The following GLG1 variants were observed in gnomAD, a reference collection of about 807,000 sequenced individuals.
The protein encoded by GLG1 is golgi glycoprotein 1, also known as Golgi apparatus protein 1.
In GLG1, 38 loss-of-function variants were observed where a neutral mutation model predicts 160.5. The ratio of observed to expected loss-of-function variants is 0.24; its 90% CI spans 0.18 to 0.31. The LOEUF (loss-of-function observed/expected upper bound fraction) is 0.31, where lower values mean the gene tolerates loss of function less well. GLG1 is among the 10% of genes least tolerant of loss of function. The pLI, the probability that GLG1 is intolerant of heterozygous loss-of-function variation, is 1.00. For synonymous variants in GLG1, 644 were observed against 543.4 expected (o/e 1.19, Z -2.57); for missense variants, 1,373 against 1,505.2 (o/e 0.91, Z 1.45).
At chr16:74,506,598 A>ACAAAAAAC (rs1555511225) in intron 3 of GLG1, among the ~76,000 whole-genome samples, 4 of 144,672 alleles carry the variant, frequency 2.8e-5, no homozygotes, top group African/African-American at 1.1e-4. Context: ...AAAAAAAAAA[A>ACAAAAAAC]AAAAAACTCA....
In GLG1 at chr16:74,477,467, C is replaced by T; in HGVS notation, c.1894G>A (p.Asp632Asn). ...AGGCACTTATCCTGGAGGGCAGGATCCAGCTTGACATCCATGGCACGCTGG... is the reference window on the plus strand; with the variant it reads ...AGGCACTTATCCTGGAGGGCAGGATTCAGCTTGACATCCATGGCACGCTGG... ...LHQRAMDVKL[D>N]PALQDKCLID... Residue 632 changes from aspartate to asparagine, a missense_variant, in exon 12 of 26, where the codon GAT becomes AAT. Transcript: ENST00000422840. The T allele has an allele frequency of 1.9e-6, 3 of 1,611,420 alleles. No individual in the cohort carries two copies. The highest frequency in any genetic ancestry group is 2.5e-6 in the Non-Finnish European group (3 of 1,177,524).
intron 18 of GLG1, among the ~76,000 whole-genome samples, chr16:74,466,706 T>C (rs140904997): frequency 4.6e-5 from 7 of 152,078 alleles, no homozygotes; most frequent in Non-Finnish European, 8.8e-5. Context: ...TAGGTAGTTA[T>C]GAAAAGAAGC....
chr16:74,471,092 C>A, intron 15 of GLG1, 81 bp downstream of exon 15: 1 of 825,674 alleles, frequency 1.2e-6, no homozygotes, highest in South Asian at 1.4e-5. Flanking sequence ...ATCAGAGGTG[C>A]TCTGATGTTC....
intron 1 of GLG1, among the ~76,000 whole-genome samples, chr16:74,561,060 C>G (rs2018500224): frequency 6.6e-6 from 1 of 152,226 alleles, no homozygotes; most frequent in Non-Finnish European, 1.5e-5. Context: ...TGCTTGGTTG[C>G]ATGGCAGCAC....
intron 2 of GLG1, among the ~76,000 whole-genome samples, chr16:74,524,708 C>T (rs1409723559): frequency 6.6e-6 from 1 of 152,046 alleles, no homozygotes; most frequent in Non-Finnish European, 1.5e-5. Flanking sequence ...TATGGTGATT[C>T]CATGGGGGCT....
chr16:74,500,174 G>C (rs951334979), intron 4 of GLG1, among the ~76,000 whole-genome samples: 4 of 152,122 alleles, frequency 2.6e-5, no homozygotes, highest in Non-Finnish European at 1.5e-5. Flanking sequence ...ATATTTGACA[G>C]CGAAGACTGC....
intron 1 of GLG1, among the ~76,000 whole-genome samples, chr16:74,575,869 A>G (rs1471332431): frequency 2.0e-5 from 3 of 152,172 alleles, no homozygotes; most frequent in Non-Finnish European, 4.4e-5. Flanking sequence ...GTAAGCATAC[A>G]AGCACAGTGT....
intron 1 of GLG1, among the ~76,000 whole-genome samples, chr16:74,544,028 G>A (rs2017975009): frequency 6.6e-6 from 1 of 152,230 alleles, no homozygotes; most frequent in Admixed American, 6.5e-5. Context: ...GCTTGGAGAA[G>A]TGAAAGGAGA....
In GLG1 at chr16:74,462,501, C is replaced by T; in HGVS notation, c.2921G>A (p.Arg974Lys). 6.2e-7 allele frequency: 1 copy of T among 1,613,948 alleles called. No homozygotes were observed. Among genetic ancestry groups the T allele is most frequent in the South Asian group, 1.1e-5 (1 of 91,070 alleles). The change falls in exon 21 of 26, where the codon AGA (arginine) becomes AAA (lysine). Residue 974 changes from arginine to lysine, a missense_variant. By Grantham distance (26) the Arg-to-Lys change is conservative. This residue lies in a region of GLG1 where 491 missense variants were observed against 632.1 expected (regional missense o/e 0.78). Transcript: ENST00000422840. ...EGQVISCLKL[R>K]YADQRLSSDC... is the part of the protein sequence containing the mutation. Reference sequence around the variant, plus strand: ...AGGCCAGTTTACCTGGTCAGCATATCTCAGCTTCAGGCAAGAGATGACTTG... The same window carrying T: ...AGGCCAGTTTACCTGGTCAGCATATTTCAGCTTCAGGCAAGAGATGACTTG...
At chr16:74,593,901 TA>T (rs1260411999) in intron 1 of GLG1, among the ~76,000 whole-genome samples, 1 of 152,154 alleles carries the variant, frequency 6.6e-6, no homozygotes, top group Non-Finnish European at 1.5e-5. Context: ...ATAACATTTT[TA>T]TTTTTTTCTT....
At chr16:74,476,756 G>C (rs988867908) in intron 12 of GLG1, among the ~76,000 whole-genome samples, 1 of 152,132 alleles carries the variant, frequency 6.6e-6, no homozygotes, top group Non-Finnish European at 1.5e-5. Context: ...CTGCTTCCTA[G>C]ATGGAGAGGC....
intron 1 of GLG1, among the ~76,000 whole-genome samples, chr16:74,544,440 T>A (rs1350927127): frequency 6.6e-6 from 1 of 152,164 alleles, no homozygotes; most frequent in Non-Finnish European, 1.5e-5. Flanking sequence ...CGTGTGAGAA[T>A]CTCCTGCACA....
At chr16:74,500,232 G>A (rs760328122) in intron 4 of GLG1, among the ~76,000 whole-genome samples, 1 of 152,128 alleles carries the variant, frequency 6.6e-6, no homozygotes, top group Non-Finnish European at 1.5e-5. Flanking sequence ...CTACACACCT[G>A]CACATTATGA....
intron 2 of GLG1, among the ~76,000 whole-genome samples, chr16:74,523,815 G>A (rs2017249073): frequency 6.6e-6 from 1 of 151,992 alleles, no homozygotes; most frequent in Non-Finnish European, 1.5e-5. Flanking sequence ...CATCTGTTAA[G>A]TACTTGCTGG....
chr16:74,470,446 A>ATTT (rs538522906), intron 15 of GLG1, among the ~76,000 whole-genome samples: 1 of 93,724 alleles, frequency 1.1e-5, no homozygotes, highest in Admixed American at 1.2e-4. Flanking sequence ...TATATTTGTA[A>ATTT]TTTTTTTTTT....
At chr16:74,577,684 G>T (rs1416476324) in intron 1 of GLG1, among the ~76,000 whole-genome samples, 1 of 151,944 alleles carries the variant, frequency 6.6e-6, no homozygotes, top group Non-Finnish European at 1.5e-5. Context: ...CATCATCATG[G>T]TTCACTGCAA....
rs1386334234 is a variant in GLG1 at position 74,471,249 on chromosome 16, A to C, written c.2153T>G (p.Met718Arg). 1 of 1,611,020 alleles carries C rather than the reference A, an allele frequency of 6.2e-7. No homozygotes were observed. The highest frequency in any genetic ancestry group is 1.1e-5 in the South Asian group (1 of 90,992). The change falls in exon 15 of 26, where the codon ATG becomes AGG. Residue 718 changes from methionine (M) to arginine (R), a missense_variant. By Grantham distance (91) the Met-to-Arg change is moderately conservative (BLOSUM62 -1). Transcript: ENST00000422840. Reference sequence around the variant, plus strand: ...GTGTTTGTTCTGTATCAGACACTCCATCAGGTCCCCAGAGTCTATCTGGTT... The same window carrying C: ...GTGTTTGTTCTGTATCAGACACTCCCTCAGGTCCCCAGAGTCTATCTGGTT... ...ADNQIDSGDL[M>R]ECLIQNKHQK...
At chr16:74,583,576 C>T (rs1957983656) in intron 1 of GLG1, among the ~76,000 whole-genome samples, 1 of 152,148 alleles carries the variant, frequency 6.6e-6, no homozygotes, top group East Asian at 1.9e-4. Flanking sequence ...GGCAGGGTTT[C>T]ACCATGTTGG....
At chr16:74,603,865 T>C (rs961145696) in intron 1 of GLG1, among the ~76,000 whole-genome samples, 4 of 151,998 alleles carry the variant, frequency 2.6e-5, no homozygotes, top group Non-Finnish European at 4.4e-5. Context: ...GAACTACTAA[T>C]AATTATACAC....
Sources: allele counts gnomAD v4.1 joint callset (sites outside exome capture counted in the v4.1 genomes callset), GRCh38; gene constraint gnomAD v4.1.1; regional missense constraint gnomAD v4.1.1; transcripts MANE v1.5; gene names NCBI Gene and HGNC (gene_info 2026-07-23, HGNC 2026-07-21).